The following NRAS variants were observed in gnomAD, a reference collection of about 807,000 sequenced individuals.
NRAS encodes the protein NRAS proto-oncogene, GTPase, also known as GTPase NRas.
Under a neutral mutation model 21.3 loss-of-function variants are expected in NRAS, and 6 were observed. The observed-to-expected ratio is 0.28, with a 90% confidence interval of 0.15 to 0.56. The LOEUF is 0.56. Among genes scored for constraint, NRAS ranks in the 20% least tolerant of loss-of-function variants. The probability of loss-of-function intolerance (pLI) is 0.93; values close to 1 mark genes in which losing one functional copy is unlikely to be tolerated. For synonymous variants in NRAS, 84 were observed against 82.0 expected, an observed-to-expected ratio of 1.02 and a Z score of -0.13; for missense variants, 143 against 231.3, an observed-to-expected ratio of 0.62 and a Z score of 2.48.
chr1:114,708,113 A>C (rs1658958330), intron 6 of NRAS, 41 bp downstream of exon 6: 1 of 195,464 alleles, frequency 5.1e-6, no homozygotes, highest in East Asian at 1.4e-4. Context: ...CAAATATACA[A>C]AATTAACAGG....
chr1:114,711,619 CA>C (rs1659047618), intron 3 of NRAS, among the ~76,000 whole-genome samples: 3 of 17,832 alleles, frequency 1.7e-4, no homozygotes, highest in African/African-American at 1.4e-3. Context: ...AAAAAAAAAA[CA>C]AACAAACAAA....
intron 3 of NRAS, 57 bp from the exon 4 acceptor site, chr1:114,709,785 G>T (rs560157268): frequency 1.1e-5 from 16 of 1,426,754 alleles, no homozygotes; most frequent in Non-Finnish European, 1.6e-5. Flanking sequence ...GCTGGGTACA[G>T]TGGCTCATGC....
chr1:114,714,474 G>A lies in NRAS; in HGVS notation c.112-496C>T, dbSNP rs111799852. 5.5e-3 allele frequency among the ~76,000 whole-genome samples: 836 copies of A among 151,712 alleles called. 5 individuals are homozygous for A. Among genetic ancestry groups the A allele is most frequent in the Non-Finnish European group, 1.0e-2 (677 of 67,906 alleles). On this transcript the variant is annotated intron_variant, in intron 2 of 6. Coordinates refer to ENST00000369535, the MANE Select transcript of NRAS (RefSeq NM_002524.5). ...TCAGAGAAGGTTTTTTTTTTATCAT[G>A]ACAGATGTACCTTTGGGAAATATTC...
intron 4 of NRAS, 130 bp downstream of exon 4, chr1:114,709,439 A>T: frequency 1.2e-6 from 1 of 806,536 alleles, no homozygotes; most frequent in Non-Finnish European, 2.0e-6. Flanking sequence ...TGCCTAAAAA[A>T]AAATAAAAAA....
At chr1:114,714,107 T>C (rs1043371102) in intron 2 of NRAS, 129 bp from the exon 3 acceptor site, 1 of 593,054 alleles carries the variant, frequency 1.7e-6, no homozygotes, top group African/African-American at 1.8e-5. Flanking sequence ...TCTGCCTATC[T>C]GGTTTGTCCC....
At position 114,706,670 on chromosome 1, in the gene NRAS, G is replaced by A. The variant is rs1658926160; in HGVS notation, c.*1424C>T. ...CTGAGTTTTCCAGTCATGGTAAAGG[G>A]TTTGTGCTAACTGACCTCTTCTTTC... On this transcript the variant is annotated 3_prime_UTR_variant, in exon 7 of 7. Transcript: ENST00000369535. 1 of 152,218 alleles carries A rather than the reference G, an allele frequency of 6.6e-6. No individual in the cohort carries two copies. The highest frequency in any genetic ancestry group is 1.5e-5 in the Non-Finnish European group (1 of 68,040). 9.4% of individuals were successfully genotyped at this position (152,218 alleles called of 1,614,324 possible).
chr1:114,708,681 T>A (rs1455482983), intron 4 of NRAS, 27 bp from the exon 5 acceptor site: 6 of 1,610,764 alleles, frequency 3.7e-6, no homozygotes, highest in East Asian at 2.2e-5. Flanking sequence ...TGAAAAAAAA[T>A]GAGAGAGCTA....
rs755833903 is a variant in NRAS at position 114,716,188 on chromosome 1, C to T, written c.-17-11G>A. On this transcript the variant is annotated splice_polypyrimidine_tract_variant and intron_variant, in intron 1 of 6. Transcript: ENST00000369535. Reference sequence around the variant, plus strand: ...CACACCAGCAAGAACCTGTTGGAAACCAGTAATCAGGGTTAATTGGCGAGC... The same window carrying T: ...CACACCAGCAAGAACCTGTTGGAAATCAGTAATCAGGGTTAATTGGCGAGC... 2.7e-6 allele frequency: 4 copies of T among 1,484,614 alleles called. No individual in the cohort carries two copies. Among genetic ancestry groups the T allele is most frequent in the Non-Finnish European group, 3.8e-6 (4 of 1,061,710 alleles). The allele number at this position is 1,484,614 out of a possible 1,614,324, so 92.0% of individuals were successfully genotyped here.
chr1:114,710,929 A>C (rs1337666675), intron 3 of NRAS, among the ~76,000 whole-genome samples: 1 of 152,230 alleles, frequency 6.6e-6, no homozygotes, highest in African/African-American at 2.4e-5. Context: ...ACTGCTGCTA[A>C]ATAACTAGGT....
In NRAS at chr1:114,706,274, TTTAGATA is replaced by T. The variant is rs1343180848; in HGVS notation, c.*1813_*1819del. ...AGAAGATGGAGGACCTCAGTAAGTA[TTTAGATA>T]TTAAAGACAGGAACAAAGTGGCCAT... On this transcript the variant is annotated 3_prime_UTR_variant, in exon 7 of 7. Transcript: ENST00000369535. The T allele has an allele frequency of 2.6e-5, 4 of 152,224 alleles. No homozygotes were observed. The East Asian group carries it at 7.7e-4, about 29-fold the overall frequency. The allele number at this position is 152,224 out of a possible 1,614,324, so 9.4% of individuals were successfully genotyped here. A position where few individuals can be genotyped will look rare whatever the true frequency, so the allele number is the denominator to read the frequency against.
chr1:114,714,076 A>G, intron 2 of NRAS, 98 bp from the exon 3 acceptor site: 1 of 770,894 alleles, frequency 1.3e-6, no homozygotes, highest in East Asian at 2.5e-5. Context: ...TTAAATAAGC[A>G]TCTAACTATT....
At chr1:114,715,165 T>TA (rs1486640373) in intron 2 of NRAS, among the ~76,000 whole-genome samples, 1 of 152,208 alleles carries the variant, frequency 6.6e-6, no homozygotes, top group Non-Finnish European at 1.5e-5. Context: ...TAGCTGGGAT[T>TA]ACAGGTGCCT....
intron 3 of NRAS, among the ~76,000 whole-genome samples, chr1:114,711,572 T>C (rs1325279298): frequency 7.0e-6 from 1 of 143,202 alleles, no homozygotes; most frequent in Non-Finnish European, 1.5e-5. Flanking sequence ...CCGTACTCCA[T>C]CCAGCTTGGG....
chr1:114,711,966 C>T (rs544447162), intron 3 of NRAS, among the ~76,000 whole-genome samples: 1 of 152,200 alleles, frequency 6.6e-6, no homozygotes, highest in East Asian at 1.9e-4. Flanking sequence ...TAACCACATA[C>T]TGCACAGTAC....
At chr1:114,716,248 A>G (rs955241622) in intron 1 of NRAS, 71 bp from the exon 2 acceptor site, 26 of 906,022 alleles carry the variant, frequency 2.9e-5, no homozygotes, top group Middle Eastern at 2.2e-4. Context: ...TCTATAATCA[A>G]TGGAAATGAA....
At chr1:114,709,993 C>T (rs1197430816) in intron 3 of NRAS, among the ~76,000 whole-genome samples, 1 of 151,606 alleles carries the variant, frequency 6.6e-6, no homozygotes, top group African/African-American at 2.4e-5. Context: ...GAGTTGAAGA[C>T]CAGCCTGGCC....
rs937147581 is a variant in NRAS, at chr1:114,706,976, T to C, written c.*1118A>G. ...ACAGTGAAAATGTAATTTGTTAATATACTATATTTGAGGTTTGAAAATCAC... is the reference window on the plus strand; with the variant it reads ...ACAGTGAAAATGTAATTTGTTAATACACTATATTTGAGGTTTGAAAATCAC... On this transcript the variant is annotated 3_prime_UTR_variant, in exon 7 of 7. Coordinates refer to ENST00000369535, the MANE Select transcript of NRAS (RefSeq NM_002524.5). 2.0e-5 allele frequency: 3 copies of C among 152,648 alleles called. 1 individual carries two copies. Among genetic ancestry groups the C allele is most frequent in the Non-Finnish European group, 2.9e-5 (2 of 68,032 alleles). The allele number at this position is 152,648 out of a possible 1,614,324, so 9.5% of individuals were successfully genotyped here. A position where few individuals can be genotyped will look rare whatever the true frequency, so the allele number is the denominator to read the frequency against.
At chr1:114,715,684 A>G (rs1659146021) in intron 2 of NRAS, among the ~76,000 whole-genome samples, 1 of 152,198 alleles carries the variant, frequency 6.6e-6, no homozygotes, top group Admixed American at 6.5e-5. Context: ...AATATTGAAG[A>G]ACACTCATCT....
rs747732620 is a variant in NRAS, at chr1:114,709,649, T to C, written c.370A>G (p.Thr124Ala). 1.2e-5 allele frequency: 19 copies of C among 1,613,796 alleles called. 1 individual carries two copies. Among genetic ancestry groups the C allele is most frequent in the Non-Finnish European group, 1.4e-5 (17 of 1,179,688 alleles). The change falls in exon 4 of 7, where the codon ACA becomes GCA. Residue 124 changes from threonine (T) to alanine (A), a missense_variant. Transcript: ENST00000369535. ...TCGTGGGCTTGTTTTGTATCAACTGTCCTTGTTGGCAAATCACACTTGTTT... is the reference window on the plus strand; with the variant it reads ...TCGTGGGCTTGTTTTGTATCAACTGCCCTTGTTGGCAAATCACACTTGTTT... ...VGNKCDLPTR[T>A]VDTKQAHELA...
Sources: allele counts gnomAD v4.1 joint callset (sites outside exome capture counted in the v4.1 genomes callset), GRCh38; gene constraint gnomAD v4.1.1; transcripts MANE v1.5; gene names NCBI Gene and HGNC (gene_info 2026-07-23, HGNC 2026-07-21).